Variants in IL1RAPL2 observed in about 807,000 individuals in gnomAD.
IL1RAPL2 encodes interleukin 1 receptor accessory protein like 2.
In IL1RAPL2, 3 loss-of-function variants were observed where a neutral mutation model predicts 44.1. The observed-to-expected ratio is 0.07, with a 90% CI of 0.03 to 0.18. The LOEUF is 0.18. Ranked by LOEUF, IL1RAPL2 falls within the 10% of genes least tolerant of loss-of-function variation. The pLI is 1.00. For synonymous variants in IL1RAPL2, 181 were observed against 178.8 expected (o/e 1.01, Z -0.10); for missense variants, 391 against 496.4 (o/e 0.79, Z 2.02).
At chrX:104,918,205 C>T (rs1170702782) in intron 2 of IL1RAPL2, among the ~76,000 whole-genome samples, 1 of 111,655 alleles carries the variant, frequency 9.0e-6, no homozygotes, top group Non-Finnish European at 1.9e-5. Flanking sequence ...GGTTGGTAAC[C>T]TTAGGAAAAT....
chrX:104,759,018 A>C (rs1022125178), intron 2 of IL1RAPL2, among the ~76,000 whole-genome samples: 1 of 112,394 alleles, frequency 8.9e-6, no homozygotes, highest in Non-Finnish European at 1.9e-5. Flanking sequence ...TACCACATAC[A>C]CACGTGTGTA....
intron 2 of IL1RAPL2, among the ~76,000 whole-genome samples, chrX:104,688,913 A>G (rs1931038742): frequency 8.9e-6 from 1 of 112,160 alleles, no homozygotes; most frequent in South Asian, 3.7e-4. Context: ...GAGCAAAATA[A>G]CAAAGTAAGA....
At chrX:104,853,889 C>A (rs1470198246) in intron 2 of IL1RAPL2, among the ~76,000 whole-genome samples, 5 of 71,706 alleles carry the variant, frequency 7.0e-5, no homozygotes, top group Admixed American at 2.1e-4. Flanking sequence ...GGCGACAGAG[C>A]GAGACTCCGT....
chrX:104,855,681 G>GTGTTTGTTTTTTTTTTTTT, intron 2 of IL1RAPL2, among the ~76,000 whole-genome samples: 1 of 53,880 alleles, frequency 1.9e-5, no homozygotes, highest in Non-Finnish European at 4.1e-5. Flanking sequence ...ATCTGGATCC[G>GTGTTTGTTTTTTTTTTTTT]TTTTTTTTTT....
rs767460172 is a variant in IL1RAPL2 at position 105,531,451 on chromosome X, T to G, written c.772+47064T>G. Among the ~76,000 whole-genome samples, 910 of 112,060 alleles carry G rather than the reference T, an allele frequency of 8.1e-3. 5 individuals are homozygous for G. Among genetic ancestry groups the G allele is most frequent in the Non-Finnish European group, 0.014 (760 of 53,193 alleles). ...TGAGCTCCCTGTATATTTTGGTTAT[T>G]AATCCCTTGCCAGATGGGTAGCATG... is the stretch of plus-strand genomic sequence containing the variant. On this transcript the variant is annotated intron_variant, in intron 6 of 10. Transcript: ENST00000372582.
At chrX:105,025,482 C>T (rs1283178614) in intron 2 of IL1RAPL2, among the ~76,000 whole-genome samples, 2 of 111,208 alleles carry the variant, frequency 1.8e-5, no homozygotes, top group African/African-American at 6.5e-5. Context: ...ATCTTAAACG[C>T]CCATAGGATT....
At chrX:104,872,004 T>C (rs1443455845) in intron 2 of IL1RAPL2, among the ~76,000 whole-genome samples, 2 of 111,827 alleles carry the variant, frequency 1.8e-5, no homozygotes, top group Non-Finnish European at 1.9e-5. Flanking sequence ...GTATCTGTTG[T>C]TGAGAAGCCT....
intron 9 of IL1RAPL2, among the ~76,000 whole-genome samples, chrX:105,752,398 T>A (rs981139270): frequency 6.2e-5 from 7 of 112,424 alleles, no homozygotes; most frequent in Non-Finnish European, 1.9e-5. Flanking sequence ...AGGACAGACG[T>A]AACAATAGGA....
chrX:104,661,236 C>T (rs1930395844), intron 2 of IL1RAPL2, among the ~76,000 whole-genome samples: 1 of 111,429 alleles, frequency 9.0e-6, no homozygotes, highest in Non-Finnish European at 1.9e-5. Context: ...TTATGCTGCA[C>T]TCCCCCTCCA....
At chrX:105,684,783 C>T (rs1255156814) in intron 6 of IL1RAPL2, among the ~76,000 whole-genome samples, 1 of 89,229 alleles carries the variant, frequency 1.1e-5, no homozygotes, top group Non-Finnish European at 2.2e-5. Context: ...CCAGTAGGGG[C>T]TGACAGACAC....
At chrX:105,410,572 G>A (rs1310283594) in intron 5 of IL1RAPL2, among the ~76,000 whole-genome samples, 2 of 110,836 alleles carry the variant, frequency 1.8e-5, no homozygotes, top group Non-Finnish European at 3.8e-5. Flanking sequence ...CCCCTCCTGG[G>A]ATAGGCTTGG....
At chrX:104,784,695 A>G (rs1294156856) in intron 2 of IL1RAPL2, among the ~76,000 whole-genome samples, 2 of 108,505 alleles carry the variant, frequency 1.8e-5, no homozygotes, top group Non-Finnish European at 3.8e-5. Flanking sequence ...TTAAGTATGT[A>G]TGCTGGGGTA....
At chrX:105,447,677 ATATAT>A (rs2035978709) in intron 5 of IL1RAPL2, among the ~76,000 whole-genome samples, 1 of 83,202 alleles carries the variant, frequency 1.2e-5, no homozygotes, top group African/African-American at 4.9e-5. Context: ...ATATATATAA[ATATAT>A]TAAAAATATA....
chrX:105,144,623 TC>T lies in IL1RAPL2; in HGVS notation c.83-50849del, dbSNP rs779610041. Among the ~76,000 whole-genome samples, 11 of 111,622 alleles carry T rather than the reference TC, an allele frequency of 9.9e-5. No homozygotes were observed. In the East Asian group the frequency reaches 3.1e-3, roughly 32 times the overall value. On this transcript the variant is annotated intron_variant, in intron 2 of 10. Coordinates refer to ENST00000372582, the MANE Select transcript of IL1RAPL2 (RefSeq NM_017416.2). ...AGTCATGAAGAATTGTTTCTACTTTTCCCATGTAACCCAAGTGATTTGATGC... is the reference window on the plus strand; with the variant it reads ...AGTCATGAAGAATTGTTTCTACTTTTCCATGTAACCCAAGTGATTTGATGC...
At chrX:104,942,019 G>A (rs1317441139) in intron 2 of IL1RAPL2, among the ~76,000 whole-genome samples, 1 of 111,324 alleles carries the variant, frequency 9.0e-6, no homozygotes, top group Non-Finnish European at 1.9e-5. Flanking sequence ...TAGATGTGTG[G>A]TATTATTTCT....
intron 2 of IL1RAPL2, among the ~76,000 whole-genome samples, chrX:104,920,138 T>C (rs919377244): frequency 1.8e-5 from 2 of 111,285 alleles, no homozygotes; most frequent in Admixed American, 9.5e-5. Context: ...TTTACTGAGT[T>C]ATAGTAGTAA....
At chrX:105,420,029 A>G (rs1012334420) in intron 5 of IL1RAPL2, among the ~76,000 whole-genome samples, 1 of 110,969 alleles carries the variant, frequency 9.0e-6, no homozygotes, top group Non-Finnish European at 1.9e-5. Context: ...TTTCCTCCAC[A>G]TTAAAAAAAA....
intron 6 of IL1RAPL2, among the ~76,000 whole-genome samples, chrX:105,639,484 G>A (rs73529078): frequency 9.0e-6 from 1 of 111,046 alleles, no homozygotes; most frequent in Non-Finnish European, 1.9e-5. Context: ...TTCTAAAAGG[G>A]TAAGTAATAG....
intron 3 of IL1RAPL2, chrX:105,220,814 TG>T (rs782211132): frequency 3.8e-4 from 52 of 137,409 alleles, no homozygotes; most frequent in African/African-American, 1.6e-3. Flanking sequence ...TAAGGGAACC[TG>T]TCACATGGTT....
Sources: gnomAD v4.1 joint callset for allele counts (sites outside exome capture counted in the v4.1 genomes callset) on GRCh38, gnomAD v4.1.1 for gene constraint, MANE v1.5 for transcripts, NCBI Gene and HGNC (gene_info 2026-07-23, HGNC 2026-07-21) for gene names.